Variants in RPS6KA2 observed in about 807,000 individuals in gnomAD.
The protein encoded by RPS6KA2 is ribosomal protein S6 kinase A2, also known as ribosomal protein S6 kinase alpha-2.
In RPS6KA2, 42 loss-of-function variants were observed where a neutral mutation model predicts 91.8. That is an observed-to-expected ratio of 0.46 (90% CI 0.36 to 0.59). The LOEUF is 0.59. Among genes scored for constraint, RPS6KA2 ranks in the 20% least tolerant of loss-of-function variants. The probability of loss-of-function intolerance (pLI) is 0.00; values close to 1 mark genes in which losing one functional copy is unlikely to be tolerated. For synonymous variants in RPS6KA2, 414 were observed against 393.6 expected (o/e 1.05, Z -0.61); for missense variants, 798 against 978.5 (o/e 0.82, Z 2.46).
intron 1 of RPS6KA2, among the ~76,000 whole-genome samples, chr6:166,602,165 T>C (rs761453800): frequency 2.0e-4 from 31 of 152,018 alleles, no homozygotes; most frequent in Non-Finnish European, 3.7e-4. Flanking sequence ...TGGGACACCA[T>C]CTCACACACA....
rs546826174 is a variant in RPS6KA2, at chr6:166,682,026, T to G, written c.124-143242A>C. Among the ~76,000 whole-genome samples, 74 of 152,252 alleles carry G rather than the reference T, an allele frequency of 4.9e-4. 1 individual carries two copies. In the South Asian group the frequency reaches 0.015, roughly 31 times the overall value. On this transcript the variant is annotated intron_variant, in intron 2 of 21. Transcript: ENST00000503859. ...ATACAAAGAAAACTGGCCTAACCAA[T>G]GTATTAATAGTAAAATCTGGTTCAT...
At chr6:166,549,120 G>A (rs1166012856) in intron 1 of RPS6KA2, among the ~76,000 whole-genome samples, 1 of 152,214 alleles carries the variant, frequency 6.6e-6, no homozygotes, top group East Asian at 1.9e-4. Flanking sequence ...CCGCAATAAA[G>A]TATCAGTACA....
intron 1 of RPS6KA2, among the ~76,000 whole-genome samples, chr6:166,589,386 TA>T (rs2128520546): frequency 6.6e-6 from 1 of 152,358 alleles, no homozygotes; most frequent in African/African-American, 2.4e-5. Flanking sequence ...GCACTTGTTC[TA>T]AATTATTGCC....
chr6:166,416,314 A>G (rs1325442715), intron 19 of RPS6KA2, among the ~76,000 whole-genome samples: 1 of 126,162 alleles, frequency 7.9e-6, no homozygotes, highest in Non-Finnish European at 1.7e-5. Context: ...CACCTCTACC[A>G]TCACCCTCCA....
chr6:166,610,393 C>G (rs966565684), intron 1 of RPS6KA2, among the ~76,000 whole-genome samples: 1 of 152,200 alleles, frequency 6.6e-6, no homozygotes, highest in Non-Finnish European at 1.5e-5. Flanking sequence ...TCTGAGAGAA[C>G]TAGTTACCCA....
chr6:166,655,875 A>C (rs1787985969), intron 2 of RPS6KA2, among the ~76,000 whole-genome samples: 1 of 152,222 alleles, frequency 6.6e-6, no homozygotes, highest in Admixed American at 6.5e-5. Context: ...CATGGAGCAG[A>C]GCCCCAGCAG....
intron 2 of RPS6KA2, among the ~76,000 whole-genome samples, chr6:166,792,169 G>A (rs879346618): frequency 5.3e-5 from 8 of 152,160 alleles, no homozygotes; most frequent in African/African-American, 9.7e-5. Context: ...TGATAAAGGC[G>A]ATATCATCAC....
intron 2 of RPS6KA2, among the ~76,000 whole-genome samples, chr6:166,834,690 A>C (rs1467131756): frequency 1.3e-5 from 2 of 152,194 alleles, no homozygotes; most frequent in African/African-American, 4.8e-5. Flanking sequence ...TTCTAGTTGT[A>C]AGAGTTCCTG....
rs1781553119 is a variant in RPS6KA2 at position 166,490,540 on chromosome 6, A to G, written c.818+131T>C. On this transcript the variant is annotated intron_variant, in intron 9 of 20. Transcript: ENST00000265678. The surrounding 1 kb of genome is among the most constrained non-coding windows in gnomAD (Gnocchi z 4.2). ...GTGTAAAACCAGTGACTTTTAGAAA[A>G]CAGCTTACAATACTTTGGCACTGTA... The G allele has an allele frequency of 1.4e-6, 1 of 702,048 alleles. No individual in the cohort carries two copies. The highest frequency in any genetic ancestry group is 1.8e-5 in the African/African-American group (1 of 55,394). The allele number at this position is 702,048 out of a possible 1,614,324, so 43.5% of individuals were successfully genotyped here.
chr6:166,760,466 C>T (rs540178573), intron 2 of RPS6KA2, among the ~76,000 whole-genome samples: 38 of 152,342 alleles, frequency 2.5e-4, no homozygotes, highest in African/African-American at 8.9e-4. Context: ...ATAAGATCAT[C>T]GCACAGAGTA....
chr6:166,811,445 C>T (rs538691735), intron 2 of RPS6KA2, among the ~76,000 whole-genome samples: 1 of 152,294 alleles, frequency 6.6e-6, no homozygotes, highest in South Asian at 2.1e-4. Flanking sequence ...GGCAACATAG[C>T]AAGACTCCAT....
chr6:166,559,222 AC>A (rs1784267316), intron 1 of RPS6KA2, among the ~76,000 whole-genome samples: 1 of 152,216 alleles, frequency 6.6e-6, no homozygotes, highest in Admixed American at 6.5e-5. Flanking sequence ...CACCAGAACT[AC>A]CGTATCATTC....
At chr6:166,616,429 C>A (rs1352004291) in intron 1 of RPS6KA2, among the ~76,000 whole-genome samples, 1 of 152,222 alleles carries the variant, frequency 6.6e-6, no homozygotes, top group South Asian at 2.1e-4. Context: ...CCAGCAGCAG[C>A]TCTCATGCCT....
At chr6:166,690,094 G>A (rs1041790865) in intron 2 of RPS6KA2, among the ~76,000 whole-genome samples, 10 of 152,238 alleles carry the variant, frequency 6.6e-5, no homozygotes, top group Non-Finnish European at 1.2e-4. Flanking sequence ...TGGCCTGTCA[G>A]GGGAAGGACC....
chr6:166,649,193 T>C (rs1787771611), intron 2 of RPS6KA2, among the ~76,000 whole-genome samples: 1 of 152,198 alleles, frequency 6.6e-6, no homozygotes, highest in Admixed American at 6.5e-5. Flanking sequence ...TATTTCCACA[T>C]CTGCCCCTCG....
intron 2 of RPS6KA2, among the ~76,000 whole-genome samples, chr6:166,741,588 T>A (rs1032008393): frequency 6.6e-6 from 1 of 152,252 alleles, no homozygotes; most frequent in Non-Finnish European, 1.5e-5. Flanking sequence ...AGAGCCCCGG[T>A]GTCCTTTAGT....
rs1299386759 is a variant in RPS6KA2, at chr6:166,486,789, A to G, written c.907+2044T>C. ...ATTCAGTCTAGACCCTGGCCCTTCC[A>G]TGTCAGTAACAGCAACGTGGAGATT... On this transcript the variant is annotated intron_variant, in intron 10 of 20. Transcript: ENST00000265678. Among the ~76,000 whole-genome samples, 3 of 141,658 alleles carry G rather than the reference A, an allele frequency of 2.1e-5. No individual in the cohort carries two copies. In the East Asian group the frequency reaches 7.1e-4, roughly 34 times the overall value. The allele number at this position is 141,658 out of a possible 152,430, so 92.9% of individuals were successfully genotyped here.
At chr6:166,541,356 C>G (rs1224800046) in intron 1 of RPS6KA2, among the ~76,000 whole-genome samples, 1 of 152,266 alleles carries the variant, frequency 6.6e-6, no homozygotes, top group African/African-American at 2.4e-5. Context: ...TGTATGTTTC[C>G]TAAAGATTTC....
At chr6:166,602,977 G>GGA (rs1292584323) in intron 1 of RPS6KA2, among the ~76,000 whole-genome samples, 3 of 152,090 alleles carry the variant, frequency 2.0e-5, no homozygotes, top group African/African-American at 4.8e-5. Context: ...GTGAGAATCT[G>GGA]GAGAGAGAGA....
Sources: allele counts gnomAD v4.1 joint callset (sites outside exome capture counted in the v4.1 genomes callset), GRCh38; gene constraint gnomAD v4.1.1; non-coding constraint Gnocchi (gnomAD v3.1); transcripts MANE v1.5; gene names NCBI Gene and HGNC (gene_info 2026-07-23, HGNC 2026-07-21).